The following GRK5 variants were observed in gnomAD, a reference collection of about 807,000 sequenced individuals.
GRK5 encodes the protein g protein-coupled receptor kinase GRK5.
GRK5 carries 40 observed loss-of-function variants against 78.4 expected under a neutral mutation model. That is an observed-to-expected ratio of 0.51 (90% CI 0.40 to 0.66). The LOEUF is 0.66. Among genes scored for constraint, GRK5 ranks in the 30% least tolerant of loss-of-function variants. The pLI is 0.00. For missense variants in GRK5, 598 were observed against 759.9 expected (o/e 0.79, Z 2.50); for synonymous variants, 289 against 296.8 (o/e 0.97, Z 0.27).
rs976750245 is a variant in GRK5, at chr10:119,458,200, G to C, written c.*3133G>C. 1 of 152,156 alleles carries C rather than the reference G, an allele frequency of 6.6e-6. No individual in the cohort carries two copies. The highest frequency in any genetic ancestry group is 6.5e-5 in the Admixed American group (1 of 15,280). The allele number at this position is 152,156 out of a possible 1,614,324, so 9.4% of individuals were successfully genotyped here. A position where few individuals can be genotyped will look rare whatever the true frequency, so the allele number is the denominator to read the frequency against. ...CACTGACTTCGTGACTTTGAGGTGAGACATGGGATCTCTCAGAAGCGTCTC... is the reference window on the plus strand; with the variant it reads ...CACTGACTTCGTGACTTTGAGGTGACACATGGGATCTCTCAGAAGCGTCTC... On this transcript the variant is annotated 3_prime_UTR_variant, in exon 16 of 16. Transcript: ENST00000392870.
At chr10:119,212,087 A>C (rs1848497163) in intron 1 of GRK5, among the ~76,000 whole-genome samples, 1 of 152,166 alleles carries the variant, frequency 6.6e-6, no homozygotes, top group Admixed American at 6.5e-5. Flanking sequence ...CATCCTGGTT[A>C]AGGCAGCTCG....
chr10:119,245,944 C>T lies in GRK5; in HGVS notation c.52+37975C>T, dbSNP rs185390188. Among the ~76,000 whole-genome samples the T allele has an allele frequency of 1.1e-4, 15 of 137,734 alleles. No individual in the cohort carries two copies. In the East Asian group the frequency reaches 3.5e-3, roughly 32 times the overall value. The allele number at this position is 137,734 out of a possible 152,430, so 90.4% of individuals were successfully genotyped here. A position where few individuals can be genotyped will look rare whatever the true frequency, so the allele number is the denominator to read the frequency against. On this transcript the variant is annotated intron_variant, in intron 1 of 15. Transcript: ENST00000392870. ...CTGAGGCAGGAGAATGGCGTGAACC[C>T]GGGAGGCAGAGCCTGCAGTGAGCCG...
At chr10:119,251,233 T>G (rs1467095462) in intron 1 of GRK5, among the ~76,000 whole-genome samples, 2 of 152,228 alleles carry the variant, frequency 1.3e-5, no homozygotes, top group Non-Finnish European at 2.9e-5. Context: ...GTGAACCATT[T>G]GACAGAATTT....
chr10:119,310,069 C>T (rs1253267932), intron 1 of GRK5, among the ~76,000 whole-genome samples: 1 of 152,152 alleles, frequency 6.6e-6, no homozygotes, highest in African/African-American at 2.4e-5. Flanking sequence ...ACGGTCATGT[C>T]CACATGGTAA....
chr10:119,381,492 C>G (rs1851709502), intron 3 of GRK5, among the ~76,000 whole-genome samples: 1 of 152,272 alleles, frequency 6.6e-6, no homozygotes. Context: ...CCACTGGGCT[C>G]TGGCATGGAT....
intron 15 of GRK5, among the ~76,000 whole-genome samples, chr10:119,454,288 T>C (rs560654934): frequency 2.0e-5 from 3 of 152,336 alleles, no homozygotes; most frequent in African/African-American, 7.2e-5. Flanking sequence ...AACCCAGCCC[T>C]GAGACTTCTT....
At chr10:119,218,074 TTGTGTGTGTGTG>T (rs59742803) in intron 1 of GRK5, among the ~76,000 whole-genome samples, 9 of 146,498 alleles carry the variant, frequency 6.1e-5, no homozygotes, top group Admixed American at 5.5e-4. Context: ...GTCAACCCGT[TTGTGTGTGTGTG>T]TGTGTGTGTG....
At chr10:119,275,591 T>TCC (rs1849655695) in intron 1 of GRK5, among the ~76,000 whole-genome samples, 2 of 125,804 alleles carry the variant, frequency 1.6e-5, no homozygotes, top group Non-Finnish European at 3.5e-5. Flanking sequence ...GTGCACGCTC[T>TCC]CTCTCTCTCT....
chr10:119,413,142 G>C (rs1029163932), intron 4 of GRK5, among the ~76,000 whole-genome samples: 2 of 152,054 alleles, frequency 1.3e-5, no homozygotes, highest in Admixed American at 6.6e-5. Flanking sequence ...CCATGAGACC[G>C]ACACGGCGGT....
At chr10:119,214,090 T>A (rs2133698959) in intron 1 of GRK5, among the ~76,000 whole-genome samples, 1 of 152,322 alleles carries the variant, frequency 6.6e-6, no homozygotes, top group African/African-American at 2.4e-5. Context: ...TTCTCCTGCC[T>A]CAGCCTCCTG....
intron 2 of GRK5, chr10:119,334,928 G>C (rs1312079381): frequency 6.6e-6 from 1 of 152,074 alleles, no homozygotes; most frequent in Non-Finnish European, 1.5e-5. Context: ...ATTGCCTTGT[G>C]GGAGAGCCTC....
At chr10:119,350,536 C>G (rs1851172080) in intron 2 of GRK5, among the ~76,000 whole-genome samples, 1 of 152,218 alleles carries the variant, frequency 6.6e-6, no homozygotes, top group Non-Finnish European at 1.5e-5. Flanking sequence ...CAGAATGTCA[C>G]CACCTCTTGC....
chr10:119,373,132 A>G (rs1240991433), intron 2 of GRK5, among the ~76,000 whole-genome samples: 1 of 152,262 alleles, frequency 6.6e-6, no homozygotes, highest in Non-Finnish European at 1.5e-5. Flanking sequence ...AGTTGGGAAC[A>G]ATGGAGATTT....
At chr10:119,421,676 C>G (rs569466695) in intron 4 of GRK5, among the ~76,000 whole-genome samples, 2 of 152,348 alleles carry the variant, frequency 1.3e-5, no homozygotes, top group East Asian at 1.9e-4. Context: ...GTGGGAATGG[C>G]TTGGCCTGCA....
intron 8 of GRK5, among the ~76,000 whole-genome samples, chr10:119,434,113 G>T (rs1288508486): frequency 6.6e-6 from 1 of 152,086 alleles, no homozygotes; most frequent in Admixed American, 6.6e-5. Context: ...AGGAGAAACT[G>T]CCCACAATTC....
At chr10:119,293,277 T>C (rs1211191864) in intron 1 of GRK5, among the ~76,000 whole-genome samples, 1 of 152,168 alleles carries the variant, frequency 6.6e-6, no homozygotes, top group East Asian at 1.9e-4. Context: ...TCCAGCACTT[T>C]GGGAGGCTGA....
chr10:119,287,033 A>G (rs1436867402), intron 1 of GRK5, among the ~76,000 whole-genome samples: 1 of 147,410 alleles, frequency 6.8e-6, no homozygotes, highest in Non-Finnish European at 1.5e-5. Context: ...ATAAATTTAT[A>G]TTGAAGAATA....
intron 1 of GRK5, among the ~76,000 whole-genome samples, chr10:119,295,027 A>G (rs1164050498): frequency 6.6e-6 from 1 of 151,992 alleles, no homozygotes; most frequent in Non-Finnish European, 1.5e-5. Context: ...TGTCTCTACT[A>G]AAAATACAAA....
At chr10:119,444,841 C>T (rs1311743228) in intron 12 of GRK5, among the ~76,000 whole-genome samples, 1 of 152,204 alleles carries the variant, frequency 6.6e-6, no homozygotes, top group Non-Finnish European at 1.5e-5. Flanking sequence ...CATTGACAAC[C>T]CAGGCAACTC....
Sources: allele counts gnomAD v4.1 joint callset (sites outside exome capture counted in the v4.1 genomes callset), GRCh38; gene constraint gnomAD v4.1.1; transcripts MANE v1.5; gene names NCBI Gene and HGNC (gene_info 2026-07-23, HGNC 2026-07-21).